The following TMEM145 variants were observed in gnomAD, a reference collection of about 807,000 sequenced individuals.
The protein encoded by TMEM145 is transmembrane protein 145.
In TMEM145, 46 loss-of-function variants were observed where a neutral mutation model predicts 68.5. That is an observed-to-expected ratio of 0.67 (90% CI 0.53 to 0.86). TMEM145 has a LOEUF of 0.86. Among genes scored for constraint, TMEM145 ranks in the 40% least tolerant of loss-of-function variants. The pLI is 0.00. For synonymous variants in TMEM145, 255 were observed against 280.2 expected (o/e 0.91, Z 0.90); for missense variants, 570 against 645.8 (o/e 0.88, Z 1.27).
intron 12 of TMEM145, 86 bp from the exon 13 acceptor site, chr19:42,320,231 G>A (rs60022386): frequency 3.3e-5 from 52 of 1,571,726 alleles, no homozygotes; most frequent in East Asian, 1.4e-4. Context: ...TGGGGTCTGC[G>A]TGTGTACATG....
Position 42,316,500 on chromosome 19 carries a change from C to T in TMEM145, c.666C>T (p.Phe222=). 1 of 1,614,180 alleles carries T rather than the reference C, an allele frequency of 6.2e-7. No individual in the cohort carries two copies. Among genetic ancestry groups the T allele is most frequent in the Non-Finnish European group, 8.5e-7 (1 of 1,180,004 alleles). ...CCTCAGTCCTGAGCCTCCTATTTTT[C>T]TGCATCTACTGGGGTCAATATGCCA... The part of the protein sequence containing the change: ...AGVEVLSLLF[F]CIYWGQYATD... Residue 222 remains phenylalanine (F), a synonymous_variant, in exon 9 of 15, where the codon TTC becomes TTT. Coordinates refer to ENST00000301204, the MANE Select transcript of TMEM145 (RefSeq NM_173633.3).
intron 12 of TMEM145, 85 bp downstream of exon 12, chr19:42,317,966 A>G: frequency 6.9e-7 from 1 of 1,458,076 alleles, no homozygotes; most frequent in Non-Finnish European, 9.5e-7. Context: ...GACCCTCCAT[A>G]GTGAGGGAGA....
intron 10 of TMEM145, 21 bp downstream of exon 10, chr19:42,316,761 CGTGGGGCGGCTG>C (rs766864549): frequency 2.0e-6 from 2 of 1,004,856 alleles, no homozygotes. Flanking sequence ...AGGGCGTGCT[CGTGGGGCGGCTG>C]GTGGGGGAGC....
chr19:42,316,509 CTGGGGTCAATA>C lies in TMEM145; in HGVS notation c.678_688del (p.Trp226CysfsTer74), dbSNP rs1157213692. On this transcript the variant is annotated frameshift_variant, in exon 9 of 15. Transcript: ENST00000301204. LOFTEE classifies it high-confidence loss of function. ...TGAGCCTCCTATTTTTCTGCATCTACTGGGGTCAATATGCCACCGATGGCATTGGCAACGAG... is the reference window on the plus strand; with the variant it reads ...TGAGCCTCCTATTTTTCTGCATCTACTGCCACCGATGGCATTGGCAACGAG... The C allele has an allele frequency of 5.0e-6, 8 of 1,614,180 alleles. No individual in the cohort carries two copies. Among genetic ancestry groups the C allele is most frequent in the Non-Finnish European group, 6.8e-6 (8 of 1,180,006 alleles).
At chr19:42,320,988 C>T (rs541241309) in intron 13 of TMEM145, 5 of 398,802 alleles carry the variant, frequency 1.3e-5, no homozygotes, top group Non-Finnish European at 2.2e-5. Flanking sequence ...TTCCTCAACC[C>T]CCATCCTCTC....
chr19:42,316,887 C>A lies in TMEM145; in HGVS notation c.824C>A (p.Ala275Glu). 6.2e-7 allele frequency: 1 copy of A among 1,613,626 alleles called. No homozygotes were observed. The highest frequency in any genetic ancestry group is 1.1e-5 in the South Asian group (1 of 91,084). ...FTVTRGRISH[A>E]GSVKLSVYMT... ...GCTGCCAGGGGCCGCATCAGCCACG[C>A]GGGCTCCGTGAAGTTGTCTGTCTAC... is the stretch of plus-strand genomic sequence containing the variant. Residue 275 changes from alanine to glutamate, a missense_variant, in exon 11 of 15, where the codon GCG becomes GAG. Coordinates refer to ENST00000301204, the MANE Select transcript of TMEM145 (RefSeq NM_173633.3).
rs530907830 is a variant in TMEM145, at chr19:42,319,571, C to G, written c.1074-746C>G. 4.6e-5 allele frequency among the ~76,000 whole-genome samples: 7 copies of G among 152,054 alleles called. No individual in the cohort carries two copies. In the Middle Eastern group the frequency reaches 0.014, roughly 298 times the overall value. On this transcript the variant is annotated intron_variant, in intron 12 of 14. Coordinates refer to ENST00000301204, the MANE Select transcript of TMEM145 (RefSeq NM_173633.3). ...AAGTGATTCTTCTGCCTCAGCCTCC[C>G]GAGTAGCTGGGACTACAGGCGCATG...
chr19:42,316,344 A>G lies in TMEM145; in HGVS notation c.647-137A>G, dbSNP rs1244023505. On this transcript the variant is annotated intron_variant, in intron 8 of 14. Transcript: ENST00000301204. Reference sequence around the variant, plus strand: ...TGGGGGCTGGACTCCAGATTCTCCTAGCAGGTGAGTCGGGGTAGAAGGTCT... The same window carrying G: ...TGGGGGCTGGACTCCAGATTCTCCTGGCAGGTGAGTCGGGGTAGAAGGTCT... 23 of 798,874 alleles carry G rather than the reference A, an allele frequency of 2.9e-5. 1 individual carries two copies. In the South Asian group the frequency reaches 3.6e-4, roughly 12 times the overall value. 49.5% of individuals were successfully genotyped at this position (798,874 alleles called of 1,614,324 possible). A position where few individuals can be genotyped will look rare whatever the true frequency, so the allele number is the denominator to read the frequency against.
chr19:42,320,799 T>C (rs1306796222), intron 13 of TMEM145, among the ~76,000 whole-genome samples: 1 of 152,060 alleles, frequency 6.6e-6, no homozygotes, highest in Non-Finnish European at 1.5e-5. Flanking sequence ...AGCTAATTTT[T>C]TGTATTTTTA....
chr19:42,313,453 G>A lies in TMEM145; in HGVS notation c.77G>A (p.Arg26His). The change falls in exon 1 of 15, where the codon CGC (arginine) becomes CAC (histidine). Residue 26 changes from arginine to histidine, a missense_variant. Physicochemically the swap from Arg to His is conservative, Grantham distance 29. Coordinates refer to ENST00000301204, the MANE Select transcript of TMEM145 (RefSeq NM_173633.3). The surrounding 1 kb of genome is among the most constrained non-coding windows in gnomAD (Gnocchi z 5.1). Reference protein sequence around the residue: ...LLLLLLSLPPRARAKYVRGNL... With the variant: ...LLLLLLSLPPHARAKYVRGNL... ...CTCCTGCTGCTGTCACTGCCCCCCCGCGCCCGGGCCAAGTACGTGCGGGGC... is the reference window on the plus strand; with the variant it reads ...CTCCTGCTGCTGTCACTGCCCCCCCACGCCCGGGCCAAGTACGTGCGGGGC... 7.3e-7 allele frequency: 1 copy of A among 1,369,396 alleles called. No individual in the cohort carries two copies. The highest frequency in any genetic ancestry group is 9.5e-7 in the Non-Finnish European group (1 of 1,057,486). The allele number at this position is 1,369,396 out of a possible 1,614,324, so 84.8% of individuals were successfully genotyped here.
At position 42,313,537 on chromosome 19, in the gene TMEM145, G is replaced by T. The variant is rs1050079180; in HGVS notation, c.120+41G>T. 1.6e-6 allele frequency: 2 copies of T among 1,249,430 alleles called. No homozygotes were observed. The allele number at this position is 1,249,430 out of a possible 1,614,324, so 77.4% of individuals were successfully genotyped here. ...CCTCCTCTGCGGCCCGCCGGCCCCC[G>T]GGGGACGCAAGGGAGGCGAGGGGAG... On this transcript the variant is annotated intron_variant, in intron 1 of 14. Transcript: ENST00000301204. This position sits in a 1 kb window ranked among gnomAD's most constrained non-coding sequence, Gnocchi z 5.1.
rs2038859820 is a variant in TMEM145, at chr19:42,316,570, G to A, written c.727+9G>A. On this transcript the variant is annotated intron_variant, in intron 9 of 14. Transcript: ENST00000301204. Reference sequence around the variant, plus strand: ...GAGTGTGAAGATCTTGGGTGAGAATGAAGCTGGGTGGGGAGAGGGTGGAGC... The same window carrying A: ...GAGTGTGAAGATCTTGGGTGAGAATAAAGCTGGGTGGGGAGAGGGTGGAGC... 1 of 1,614,150 alleles carries A rather than the reference G, an allele frequency of 6.2e-7. No homozygotes were observed. The highest frequency in any genetic ancestry group is 8.5e-7 in the Non-Finnish European group (1 of 1,179,986).
intron 14 of TMEM145, 84 bp from the exon 15 acceptor site, chr19:42,324,653 C>A: frequency 7.8e-7 from 1 of 1,285,356 alleles, no homozygotes; most frequent in Non-Finnish European, 9.9e-7. Flanking sequence ...CCCGCGCGCC[C>A]AGGTTGGGTA....
chr19:42,318,378 A>AG (rs2038880284), intron 12 of TMEM145, among the ~76,000 whole-genome samples: 1 of 146,176 alleles, frequency 6.8e-6, no homozygotes, highest in Non-Finnish European at 1.5e-5. Context: ...AAAAAAAAAA[A>AG]AAAAAAACCA....
In TMEM145 at chr19:42,323,717, G is replaced by T; in HGVS notation, c.1329G>T (p.Gly443=). The part of the protein sequence containing the change: ...ADKAFPQHVY[G]NVTFISDSVP... ...AGGCCTTCCCGCAGCACGTCTATGG[G>T]AACGTGACGTTTATCAGCGACTCGG... Residue 443 remains glycine (G), a synonymous_variant, in exon 14 of 15, where the codon GGG becomes GGT. Transcript: ENST00000301204. 1 of 1,614,192 alleles carries T rather than the reference G, an allele frequency of 6.2e-7. No individual in the cohort carries two copies. The highest frequency in any genetic ancestry group is 2.2e-5 in the East Asian group (1 of 44,886).
intron 14 of TMEM145, 108 bp from the exon 15 acceptor site, chr19:42,324,629 C>T: frequency 8.1e-7 from 1 of 1,230,356 alleles, no homozygotes; most frequent in Non-Finnish European, 1.0e-6. Flanking sequence ...CCCGGCCTTC[C>T]CGACCCTTCC....
chr19:42,318,669 A>G (rs1375578035), intron 12 of TMEM145, among the ~76,000 whole-genome samples: 1 of 150,372 alleles, frequency 6.7e-6, no homozygotes, highest in East Asian at 1.9e-4. Flanking sequence ...CCTGGGCAAC[A>G]GAGCAAGACT....
chr19:42,317,612 C>G lies in TMEM145; in HGVS notation c.901-97C>G, dbSNP rs956837555. On this transcript the variant is annotated intron_variant, in intron 11 of 14. Transcript: ENST00000301204. ...GCTCTCCTGTTGCTTGTGTTCTGAC[C>G]GAGTACCTCTGTTCCCAAGTGCCCA... 7 of 1,195,186 alleles carry G rather than the reference C, an allele frequency of 5.9e-6. No individual in the cohort carries two copies. The African/African-American group carries it at 9.2e-5, about 16-fold the overall frequency. The allele number at this position is 1,195,186 out of a possible 1,614,324, so 74.0% of individuals were successfully genotyped here.
chr19:42,315,814 G>A (rs1251893905), intron 8 of TMEM145, among the ~76,000 whole-genome samples: 2 of 152,090 alleles, frequency 1.3e-5, no homozygotes, highest in Non-Finnish European at 2.9e-5. Flanking sequence ...GGCGGATCAC[G>A]AGGCCAGGAG....
Sources: gnomAD v4.1 joint callset for allele counts (sites outside exome capture counted in the v4.1 genomes callset) on GRCh38, gnomAD v4.1.1 for gene constraint, Gnocchi (gnomAD v3.1) non-coding constraint, MANE v1.5 for transcripts, NCBI Gene and HGNC (gene_info 2026-07-23, HGNC 2026-07-21) for gene names.